RIT2: variants seen among roughly 807,000 people sequenced by gnomAD.
RIT2 encodes the protein GTP-binding protein Rit2.
RIT2 carries 24 observed loss-of-function variants against 23.7 expected under a neutral mutation model. The observed-to-expected ratio is 1.01, with a 90% CI of 0.73 to 1.43. The LOEUF (loss-of-function observed/expected upper bound fraction) is 1.43. Ranked by LOEUF, RIT2 falls within the 40% of genes most tolerant of loss-of-function variation. The pLI, the probability that RIT2 is intolerant of heterozygous loss-of-function variation, is 0.00. For synonymous variants in RIT2, 107 were observed against 91.1 expected, an observed-to-expected ratio of 1.17 and a Z score of -0.99; for missense variants, 236 against 266.9, an observed-to-expected ratio of 0.88 and a Z score of 0.81.
intron 4 of RIT2, among the ~76,000 whole-genome samples, chr18:42,867,633 A>T (rs1907508980): frequency 3.4e-5 from 3 of 86,982 alleles, no homozygotes; most frequent in African/African-American, 1.6e-4. Context: ...CAAAAATTAA[A>T]AAAAAAAAAA....
chr18:43,094,634 T>G (rs867413630), intron 1 of RIT2, among the ~76,000 whole-genome samples: 5 of 152,032 alleles, frequency 3.3e-5, no homozygotes, highest in Admixed American at 6.6e-5. Context: ...GTAGATATTA[T>G]GGAATGATAT....
At position 43,062,141 on chromosome 18, in the gene RIT2, G is replaced by A. The variant is rs117609537; in HGVS notation, c.104-28274C>T. Among the ~76,000 whole-genome samples the A allele has an allele frequency of 4.2e-3, 642 of 152,132 alleles. 1 individual carries two copies. The highest frequency in any genetic ancestry group is 7.5e-3 in the Non-Finnish European group (507 of 67,986). ...ACTGAATTAAGGGAGCAAAAAAGCC[G>A]CAACATAGGGAGGTTTACGTGTATT... On this transcript the variant is annotated intron_variant, in intron 1 of 4. Coordinates refer to ENST00000326695, the MANE Select transcript of RIT2 (RefSeq NM_002930.4).
At chr18:42,992,308 C>G (rs574002173) in intron 2 of RIT2, among the ~76,000 whole-genome samples, 2 of 152,164 alleles carry the variant, frequency 1.3e-5, no homozygotes, top group African/African-American at 4.8e-5. Flanking sequence ...ACAGCACTTT[C>G]GTTTTTTCCA....
chr18:42,861,081 C>T (rs1439273974), intron 4 of RIT2, among the ~76,000 whole-genome samples: 1 of 152,206 alleles, frequency 6.6e-6, no homozygotes, highest in Non-Finnish European at 1.5e-5. Flanking sequence ...ATAAGATTTA[C>T]ACCTGAGTAT....
chr18:42,849,686 T>C (rs551803793), intron 4 of RIT2, among the ~76,000 whole-genome samples: 2 of 152,334 alleles, frequency 1.3e-5, no homozygotes, highest in East Asian at 3.9e-4. Flanking sequence ...TTCAGAACCT[T>C]CTAAATCATG....
chr18:43,031,550 G>T (rs1480591491), intron 2 of RIT2, among the ~76,000 whole-genome samples: 1 of 151,958 alleles, frequency 6.6e-6, no homozygotes, highest in African/African-American at 2.4e-5. Flanking sequence ...TACTGATGTT[G>T]AGATTGTTGC....
chr18:43,060,118 G>C (rs940446186), intron 1 of RIT2, among the ~76,000 whole-genome samples: 1 of 152,142 alleles, frequency 6.6e-6, no homozygotes, highest in Non-Finnish European at 1.5e-5. Context: ...ATTTTATAGA[G>C]AGCAGTAGAA....
At chr18:43,112,300 T>C (rs1029504425) in intron 1 of RIT2, among the ~76,000 whole-genome samples, 2 of 152,186 alleles carry the variant, frequency 1.3e-5, no homozygotes, top group African/African-American at 4.8e-5. Flanking sequence ...CCTCTGTTTT[T>C]TCATCTGTGA....
chr18:42,807,986 G>A (rs1905732559), intron 4 of RIT2, among the ~76,000 whole-genome samples: 1 of 152,210 alleles, frequency 6.6e-6, no homozygotes, highest in Admixed American at 6.5e-5. Context: ...GGCATATGTG[G>A]ATGATGTGTT....
chr18:42,950,276 C>T (rs1909819346), intron 3 of RIT2, among the ~76,000 whole-genome samples: 1 of 151,878 alleles, frequency 6.6e-6, no homozygotes, highest in South Asian at 2.1e-4. Context: ...TGATCTTCAA[C>T]AAAAAATAAA....
intron 4 of RIT2, chr18:42,923,348 G>A (rs1909098995): frequency 2.0e-6 from 1 of 512,806 alleles, no homozygotes; most frequent in East Asian, 3.2e-5. Flanking sequence ...CCAGATCCTA[G>A]GGGATAGGGC....
intron 2 of RIT2, among the ~76,000 whole-genome samples, chr18:43,029,147 T>C (rs1266252277): frequency 1.3e-5 from 2 of 152,084 alleles, no homozygotes; most frequent in Non-Finnish European, 1.5e-5. Context: ...TTTTATTCTT[T>C]TTTTGTAGAA....
At chr18:42,950,691 T>A (rs1909829430) in intron 3 of RIT2, among the ~76,000 whole-genome samples, 1 of 150,536 alleles carries the variant, frequency 6.6e-6, no homozygotes, top group Non-Finnish European at 1.5e-5. Flanking sequence ...CTTAAATAAC[T>A]CAAACAAGCA....
intron 4 of RIT2, among the ~76,000 whole-genome samples, chr18:42,800,004 G>C (rs562503870): frequency 1.4e-4 from 21 of 152,080 alleles, no homozygotes; most frequent in African/African-American, 5.1e-4. Context: ...CGAAGCTATC[G>C]GCTCCATAAA....
At chr18:42,908,220 A>G (rs1908675237) in intron 4 of RIT2, among the ~76,000 whole-genome samples, 1 of 152,024 alleles carries the variant, frequency 6.6e-6, no homozygotes, top group African/African-American at 2.4e-5. Flanking sequence ...ATTGAAGACA[A>G]ATTAATAGAA....
intron 4 of RIT2, among the ~76,000 whole-genome samples, chr18:42,799,051 G>A (rs557929964): frequency 9.2e-5 from 14 of 152,260 alleles, no homozygotes; most frequent in African/African-American, 2.4e-4. Flanking sequence ...CTACTGTCAC[G>A]CTGTCAACAT....
intron 2 of RIT2, among the ~76,000 whole-genome samples, chr18:43,011,321 C>A (rs968582102): frequency 6.6e-6 from 1 of 151,608 alleles, no homozygotes; most frequent in Non-Finnish European, 1.5e-5. Context: ...CATCATGCAA[C>A]CAAAGGGGCC....
chr18:43,111,556 T>C (rs1251624922), intron 1 of RIT2, among the ~76,000 whole-genome samples: 1 of 152,156 alleles, frequency 6.6e-6, no homozygotes, highest in Non-Finnish European at 1.5e-5. Flanking sequence ...TCTCATGTAC[T>C]CCATAAATAT....
intron 1 of RIT2, among the ~76,000 whole-genome samples, chr18:43,113,568 G>T (rs1914000912): frequency 6.6e-6 from 1 of 152,120 alleles, no homozygotes; most frequent in Non-Finnish European, 1.5e-5. Flanking sequence ...TGATCTGTCA[G>T]CACAAATAAT....
Sources: gnomAD v4.1 joint callset for allele counts (sites outside exome capture counted in the v4.1 genomes callset) on GRCh38, gnomAD v4.1.1 for gene constraint, MANE v1.5 for transcripts, NCBI Gene and HGNC (gene_info 2026-07-23, HGNC 2026-07-21) for gene names.